FAM135A: variants seen among roughly 807,000 people sequenced by gnomAD.
The protein encoded by FAM135A is family with sequence similarity 135 member A, also known as protein FAM135A.
FAM135A carries 79 observed loss-of-function variants against 146.8 expected under a neutral mutation model. The ratio of observed to expected loss-of-function variants is 0.54; its 90% CI spans 0.45 to 0.65. The LOEUF (loss-of-function observed/expected upper bound fraction) is 0.65. Ranked by LOEUF, FAM135A falls within the 30% of genes least tolerant of loss-of-function variation. The pLI is 0.00. For missense variants in FAM135A, 1,623 were observed against 1,758.2 expected (o/e 0.92, Z 1.38); for synonymous variants, 562 against 603.6 (o/e 0.93, Z 1.01).
At chr6:70,557,003 T>C in intron 21 of FAM135A, 140 bp downstream of exon 21, 1 of 651,424 alleles carries the variant, frequency 1.5e-6, no homozygotes. Flanking sequence ...TTAACAGCTG[T>C]CCTTTTTCCA....
At chr6:70,487,264 T>C (rs1322117335) in intron 10 of FAM135A, among the ~76,000 whole-genome samples, 1 of 152,212 alleles carries the variant, frequency 6.6e-6, no homozygotes, top group South Asian at 2.1e-4. Flanking sequence ...GGATATGTTA[T>C]GCATGGTAAA....
chr6:70,469,764 G>T (rs1562476671), intron 5 of FAM135A, among the ~76,000 whole-genome samples: 1 of 152,140 alleles, frequency 6.6e-6, no homozygotes, highest in Admixed American at 6.5e-5. Flanking sequence ...TGGCCCATGA[G>T]GTAGGAGTAG....
At position 70,429,464 on chromosome 6, in the gene FAM135A, G is replaced by C. The variant is rs150787723; in HGVS notation, c.77+1045G>C. On this transcript the variant is annotated intron_variant, in intron 4 of 21. Transcript: ENST00000418814. ...GGAGACAGAGTTTGCAGTGAGCCGA[G>C]ATTGCGCTAGTGCACTCCAGCCTGG... 2.1e-3 allele frequency among the ~76,000 whole-genome samples: 316 copies of C among 151,844 alleles called. 3 individuals are homozygous for C. Among genetic ancestry groups the C allele is most frequent in the African/African-American group, 7.5e-3 (311 of 41,254 alleles).
At chr6:70,504,216 T>G (rs1349559077) in intron 12 of FAM135A, 1 of 152,232 alleles carries the variant, frequency 6.6e-6, no homozygotes, top group African/African-American at 2.4e-5. Flanking sequence ...ATTTCTCTGA[T>G]TACCCATGCA....
rs113419809 is a variant in FAM135A, at chr6:70,455,521, A to G, written c.157+2950A>G. ...TCGCTTGGCATACATGTCAATGTAT[A>G]TATTATTGCCATAATAGATCATCTT... On this transcript the variant is annotated intron_variant, in intron 5 of 21. Transcript: ENST00000418814. Among the ~76,000 whole-genome samples the G allele has an allele frequency of 4.1e-3, 618 of 152,276 alleles. 3 individuals are homozygous for G. The highest frequency in any genetic ancestry group is 0.014 in the African/African-American group (598 of 41,558).
At chr6:70,456,112 A>C (rs967194022) in intron 5 of FAM135A, among the ~76,000 whole-genome samples, 1 of 152,236 alleles carries the variant, frequency 6.6e-6, no homozygotes, top group African/African-American at 2.4e-5. Context: ...GGCTGCGCCC[A>C]TCCTGAATAT....
rs1782109846 is a variant in FAM135A at position 70,473,956 on chromosome 6, T to C, written c.158-1454T>C. ...AGCCTGAGGTGCCTTCCCTTGTGGT[T>C]GCCCTGTTCATCCTGCTTGGGCTCC... On this transcript the variant is annotated intron_variant, in intron 5 of 21. Transcript: ENST00000418814. Among the ~76,000 whole-genome samples the C allele has an allele frequency of 2.6e-5, 4 of 152,190 alleles. No individual in the cohort carries two copies. The South Asian group carries it at 6.2e-4, about 24-fold the overall frequency.
At chr6:70,506,480 G>A (rs1789789811) in intron 12 of FAM135A, among the ~76,000 whole-genome samples, 1 of 152,112 alleles carries the variant, frequency 6.6e-6, no homozygotes, top group Admixed American at 6.5e-5. Flanking sequence ...ATATGAATAA[G>A]TGAATGTGGC....
chr6:70,512,681 A>G (rs758456641), intron 12 of FAM135A, among the ~76,000 whole-genome samples: 22 of 151,770 alleles, frequency 1.4e-4, no homozygotes, highest in Non-Finnish European at 2.5e-4. Flanking sequence ...CTGACTTATT[A>G]AGATTATTTA....
chr6:70,546,668 A>G (rs529925266), intron 20 of FAM135A, among the ~76,000 whole-genome samples: 6 of 152,174 alleles, frequency 3.9e-5, no homozygotes, highest in Non-Finnish European at 8.8e-5. Context: ...TTTTTTGTGA[A>G]CACAATAGAT....
At chr6:70,476,089 T>C (rs1466119545) in intron 7 of FAM135A, among the ~76,000 whole-genome samples, 1 of 152,202 alleles carries the variant, frequency 6.6e-6, no homozygotes, top group African/African-American at 2.4e-5. Context: ...ATGCTTTCTT[T>C]AGGTAGGACT....
In FAM135A at chr6:70,560,397, T is replaced by G. The variant is rs1213467795; in HGVS notation, c.*476T>G. On this transcript the variant is annotated 3_prime_UTR_variant, in exon 22 of 22. Coordinates refer to ENST00000418814, the MANE Select transcript of FAM135A (RefSeq NM_001162529.3). The stretch of plus-strand genomic sequence containing the variant: ...ATAAAATTATGGCTGCTACAATATA[T>G]TTTTTGAAATCAACTTCTGTAGTTC... 1 of 153,218 alleles carries G rather than the reference T, an allele frequency of 6.5e-6. No individual in the cohort carries two copies. The highest frequency in any genetic ancestry group is 1.5e-5 in the Non-Finnish European group (1 of 68,498). 9.5% of individuals were successfully genotyped at this position (153,218 alleles called of 1,614,324 possible).
intron 7 of FAM135A, 82 bp from the exon 8 acceptor site, chr6:70,477,076 GT>G (rs1782751882): frequency 1.5e-6 from 2 of 1,341,232 alleles, no homozygotes; most frequent in Non-Finnish European, 2.0e-6. Flanking sequence ...TAAGTAAATA[GT>G]TTTTATAGTT....
intron 21 of FAM135A, among the ~76,000 whole-genome samples, chr6:70,558,430 A>G (rs1215825523): frequency 1.3e-5 from 2 of 152,190 alleles, no homozygotes; most frequent in Non-Finnish European, 2.9e-5. Flanking sequence ...TGCCCCTTAG[A>G]AGGCAGTTTA....
intron 12 of FAM135A, among the ~76,000 whole-genome samples, chr6:70,518,494 C>T (rs1792806208): frequency 6.6e-6 from 1 of 152,142 alleles, no homozygotes; most frequent in Non-Finnish European, 1.5e-5. Context: ...AACAGGTTTT[C>T]AATGGAGATA....
intron 20 of FAM135A, among the ~76,000 whole-genome samples, chr6:70,548,583 T>C (rs1799264216): frequency 1.3e-5 from 2 of 152,196 alleles, no homozygotes; most frequent in Admixed American, 1.3e-4. Flanking sequence ...ATTCCAAACC[T>C]TAGTGTTGTT....
At chr6:70,517,312 C>G (rs991494414) in intron 12 of FAM135A, among the ~76,000 whole-genome samples, 1 of 151,856 alleles carries the variant, frequency 6.6e-6, no homozygotes, top group Non-Finnish European at 1.5e-5. Context: ...GAGTGGATCA[C>G]TTGAGCCCAG....
At chr6:70,474,478 G>A (rs1782229580) in intron 5 of FAM135A, among the ~76,000 whole-genome samples, 2 of 152,186 alleles carry the variant, frequency 1.3e-5, no homozygotes, top group South Asian at 4.1e-4. Context: ...GCTGTGAAGA[G>A]CTGGCTACAA....
chr6:70,480,941 G>A lies in FAM135A; in HGVS notation c.583G>A (p.Ala195Thr). The stretch of plus-strand genomic sequence containing the variant: ...GAAGACAACTTGGTTAAATAGAAAT[G>A]CACCAGCACAAAACAAAGATTCCGT... ...PVKTTWLNRN[A>T]PAQNKDSVIP... The change falls in exon 9 of 22, where the codon GCA becomes ACA. Residue 195 changes from alanine (A) to threonine (T), a missense_variant. Physicochemically the swap from Ala to Thr is moderately conservative, Grantham distance 58. This residue lies in a region of FAM135A where 206 missense variants were observed against 194.7 expected (regional missense o/e 1.06). Coordinates refer to ENST00000418814, the MANE Select transcript of FAM135A (RefSeq NM_001162529.3). 3 of 1,612,412 alleles carry A rather than the reference G, an allele frequency of 1.9e-6. No homozygotes were observed. The highest frequency in any genetic ancestry group is 2.5e-6 in the Non-Finnish European group (3 of 1,179,154).
Sources: gnomAD v4.1 joint callset for allele counts (sites outside exome capture counted in the v4.1 genomes callset) on GRCh38, gnomAD v4.1.1 for gene constraint, gnomAD v4.1.1 regional missense constraint, MANE v1.5 for transcripts, NCBI Gene and HGNC (gene_info 2026-07-23, HGNC 2026-07-21) for gene names.